EARS2: variants seen among roughly 807,000 people sequenced by gnomAD.
EARS2 encodes the protein glutamyl-tRNA synthetase 2, mitochondrial, also known as nondiscriminating glutamyl-tRNA synthetase EARS2, mitochondrial.
A neutral mutation model predicts 54.1 loss-of-function variants in EARS2; 50 were observed. That is an observed-to-expected ratio of 0.92 (90% CI 0.74 to 1.17). The LOEUF is 1.17. EARS2 is among the 50% of genes most tolerant of loss of function. The probability of loss-of-function intolerance (pLI) is 0.00; values close to 1 mark genes in which losing one functional copy is unlikely to be tolerated. For synonymous variants in EARS2, 298 were observed against 281.0 expected (o/e 1.06, Z -0.61); for missense variants, 673 against 675.0 (o/e 1.00, Z 0.03).
chr16:23,550,435 C>CTTTTT lies in EARS2; in HGVS notation c.295+1709_295+1713dup, dbSNP rs34422725. ...TTTCCCTTGGCACTAAGCACATGGT[C>CTTTTT]TTTTTTTTTTTTTTTTTTTTGAGAC... is the stretch of plus-strand genomic sequence containing the variant. On this transcript the variant is annotated intron_variant, in intron 2 of 8. Coordinates refer to ENST00000449606, the MANE Select transcript of EARS2 (RefSeq NM_001083614.2). Among the ~76,000 whole-genome samples the CTTTTT allele has an allele frequency of 1.2e-4, 12 of 100,634 alleles. 1 individual carries two copies. Among genetic ancestry groups the CTTTTT allele is most frequent in the African/African-American group, 1.6e-4 (4 of 25,506 alleles). 66.0% of individuals were successfully genotyped at this position (100,634 alleles called of 152,430 possible).
chr16:23,550,574 A>ACTGG (rs1449990379), intron 2 of EARS2, among the ~76,000 whole-genome samples: 2 of 151,610 alleles, frequency 1.3e-5, no homozygotes, highest in African/African-American at 4.8e-5. Context: ...AGTAGCTGAG[A>ACTGG]CTACAGGCAC....
intron 2 of EARS2, among the ~76,000 whole-genome samples, chr16:23,547,791 G>C (rs994328086): frequency 1.3e-5 from 2 of 151,986 alleles, no homozygotes; most frequent in Admixed American, 6.6e-5. Flanking sequence ...ACCACGCCTT[G>C]CTTATATGTC....
At chr16:23,552,455 G>A in intron 1 of EARS2, 151 bp from the exon 2 acceptor site, 1 of 866,434 alleles carries the variant, frequency 1.2e-6, no homozygotes, top group Non-Finnish European at 1.7e-6. Flanking sequence ...ACCACTTTGG[G>A]AGGCCAAGGC....
intron 3 of EARS2, among the ~76,000 whole-genome samples, chr16:23,540,097 T>C (rs1481459335): frequency 2.0e-5 from 3 of 152,118 alleles, no homozygotes; most frequent in African/African-American, 7.2e-5. Flanking sequence ...GAAGTTGCCT[T>C]GAGCCAATAT....
chr16:23,555,527 A>ACATCTAGTAAGTTT (rs1965761632), intron 1 of EARS2, among the ~76,000 whole-genome samples: 1 of 152,192 alleles, frequency 6.6e-6, no homozygotes, highest in South Asian at 2.1e-4. Flanking sequence ...CTAGTAAGTT[A>ACATCTAGTAAGTTT]CACATCTAAT....
chr16:23,526,750 C>G (rs566501513), intron 7 of EARS2, among the ~76,000 whole-genome samples: 4 of 152,104 alleles, frequency 2.6e-5, no homozygotes, highest in Admixed American at 2.6e-4. Context: ...AGGATTCCAG[C>G]GGGCCAGCAA....
intron 3 of EARS2, among the ~76,000 whole-genome samples, chr16:23,536,342 C>T (rs999475472): frequency 3.3e-5 from 5 of 152,152 alleles, no homozygotes; most frequent in Non-Finnish European, 4.4e-5. Flanking sequence ...CAGTTGCTCA[C>T]GTCTGTAATC....
At chr16:23,529,285 G>A (rs1280318698) in intron 7 of EARS2, among the ~76,000 whole-genome samples, 1 of 152,218 alleles carries the variant, frequency 6.6e-6, no homozygotes, top group Non-Finnish European at 1.5e-5. Flanking sequence ...GATGCAACCA[G>A]GTTGGTGCAA....
chr16:23,544,781 A>G (rs1200604110), intron 2 of EARS2, 78 bp from the exon 3 acceptor site: 1 of 1,268,518 alleles, frequency 7.9e-7, no homozygotes, highest in East Asian at 2.5e-5. Context: ...CTTTATGCAC[A>G]TATTAAAGCT....
chr16:23,525,121 G>A (rs532324817), intron 8 of EARS2, 123 bp downstream of exon 8: 21 of 1,311,530 alleles, frequency 1.6e-5, no homozygotes, highest in African/African-American at 1.4e-4. Context: ...TAAATGAGGG[G>A]AGTGATCATG....
chr16:23,524,811 A>G (rs1417084756), intron 8 of EARS2, among the ~76,000 whole-genome samples: 2 of 151,762 alleles, frequency 1.3e-5, no homozygotes, highest in African/African-American at 2.4e-5. Context: ...CCCCCAGCTA[A>G]TTTTTGTATT....
At chr16:23,547,758 AAGAGCCACCCCATGTG>A (rs1388180751) in intron 2 of EARS2, among the ~76,000 whole-genome samples, 2 of 152,028 alleles carry the variant, frequency 1.3e-5, no homozygotes, top group Non-Finnish European at 1.5e-5. Context: ...CTGCCCAGAC[AAGAGCCACCCCATGTG>A]AGAGCCACCA....
chr16:23,539,106 T>C (rs1030701393), intron 3 of EARS2, among the ~76,000 whole-genome samples: 1 of 151,372 alleles, frequency 6.6e-6, no homozygotes, highest in South Asian at 2.1e-4. Flanking sequence ...GCCTCCTAAG[T>C]AGCTGAGATT....
intron 3 of EARS2, among the ~76,000 whole-genome samples, chr16:23,541,071 T>C (rs1281329577): frequency 6.6e-6 from 1 of 152,120 alleles, no homozygotes; most frequent in African/African-American, 2.4e-5. Flanking sequence ...TCCCAGCACT[T>C]TGGGAGGCCA....
intron 2 of EARS2, among the ~76,000 whole-genome samples, chr16:23,546,992 G>GT (rs1567388310): frequency 6.6e-6 from 1 of 152,152 alleles, no homozygotes; most frequent in East Asian, 1.9e-4. Context: ...CTTTAATGTG[G>GT]TATCTTGGAA....
chr16:23,555,990 T>C (rs1965773316), intron 1 of EARS2, among the ~76,000 whole-genome samples: 4 of 152,258 alleles, frequency 2.6e-5, no homozygotes, highest in Non-Finnish European at 4.4e-5. Context: ...ATTTTATTTT[T>C]CTGGTCATTA....
chr16:23,537,075 G>T, intron 3 of EARS2: 1 of 264,292 alleles, frequency 3.8e-6, no homozygotes, highest in South Asian at 4.0e-5. Flanking sequence ...TGAATCAAAG[G>T]AACTTGTTTC....
At chr16:23,524,907 A>C (rs766450820) in intron 8 of EARS2, 4 of 493,412 alleles carry the variant, frequency 8.1e-6, no homozygotes, top group Non-Finnish European at 1.4e-5. Flanking sequence ...GGCCTCCCAA[A>C]GTGCTGGGAA....
intron 2 of EARS2, among the ~76,000 whole-genome samples, chr16:23,551,005 C>A (rs1965686239): frequency 6.6e-6 from 1 of 152,132 alleles, no homozygotes; most frequent in Non-Finnish European, 1.5e-5. Context: ...CCCACAAGAT[C>A]AACTTCAGAA....
Sources: allele counts gnomAD v4.1 joint callset (sites outside exome capture counted in the v4.1 genomes callset), GRCh38; gene constraint gnomAD v4.1.1; transcripts MANE v1.5; gene names NCBI Gene and HGNC (gene_info 2026-07-23, HGNC 2026-07-21).